Variants in CDH12 observed in about 807,000 individuals in gnomAD.
CDH12 encodes cadherin 12.
CDH12 carries 41 observed loss-of-function variants against 74.1 expected under a neutral mutation model. The observed-to-expected ratio is 0.55, with a 90% CI of 0.43 to 0.72. CDH12 has a LOEUF of 0.72. Ranked by LOEUF, CDH12 falls within the 30% of genes least tolerant of loss-of-function variation. The pLI, the probability that CDH12 is intolerant of heterozygous loss-of-function variation, is 0.00. For synonymous variants in CDH12, 399 were observed against 355.0 expected, an observed-to-expected ratio of 1.12 and a Z score of -1.39; for missense variants, 945 against 977.2, an observed-to-expected ratio of 0.97 and a Z score of 0.44.
At chr5:22,094,426 G>C (rs1166455426) in intron 4 of CDH12, among the ~76,000 whole-genome samples, 1 of 152,140 alleles carries the variant, frequency 6.6e-6, no homozygotes, top group Non-Finnish European at 1.5e-5. Context: ...GAATTCCAGA[G>C]GGACTAAATC....
At chr5:22,722,861 T>C (rs1325985807) in intron 1 of CDH12, among the ~76,000 whole-genome samples, 3 of 152,228 alleles carry the variant, frequency 2.0e-5, no homozygotes, top group Non-Finnish European at 4.4e-5. Flanking sequence ...CATATGTGTT[T>C]ATGCACCTTG....
rs78817846 is a variant in CDH12 at position 21,852,428 on chromosome 5, C to A, written c.646+2243G>T. On this transcript the variant is annotated intron_variant, in intron 7 of 14. Coordinates refer to ENST00000382254, the MANE Select transcript of CDH12 (RefSeq NM_004061.5). Reference sequence around the variant, plus strand: ...TGGTAAAACAAACTTTTTAAACATACTAGAATAGGTTGAAAGTTGATATTG... The same window carrying A: ...TGGTAAAACAAACTTTTTAAACATAATAGAATAGGTTGAAAGTTGATATTG... Among the ~76,000 whole-genome samples the A allele has an allele frequency of 8.2e-3, 1,245 of 151,376 alleles. 11 individuals carry two copies. The highest frequency in any genetic ancestry group is 0.029 in the African/African-American group (1,186 of 41,406).
At chr5:22,176,050 G>A (rs887119491) in intron 4 of CDH12, among the ~76,000 whole-genome samples, 1 of 152,096 alleles carries the variant, frequency 6.6e-6, no homozygotes, top group African/African-American at 2.4e-5. Flanking sequence ...GCTTTAACAC[G>A]TCTCTATGGA....
chr5:22,495,024 A>G (rs530128448), intron 2 of CDH12, among the ~76,000 whole-genome samples: 8 of 152,324 alleles, frequency 5.3e-5, no homozygotes, highest in African/African-American at 1.7e-4. Flanking sequence ...TACCATTTGC[A>G]AAACAACAAC....
chr5:22,363,156 T>C lies in CDH12; in HGVS notation c.-333+42101A>G, dbSNP rs184057888. On this transcript the variant is annotated intron_variant, in intron 3 of 14. Coordinates refer to ENST00000382254, the MANE Select transcript of CDH12 (RefSeq NM_004061.5). ...AGACATATATTTTCAAATAAAAAAT[T>C]TGGAGATTGTAAAAAGAAAAATTGG... Among the ~76,000 whole-genome samples the C allele has an allele frequency of 1.7e-3, 262 of 152,098 alleles. 1 individual carries two copies. In the East Asian group the frequency reaches 0.018, roughly 10 times the overall value.
intron 3 of CDH12, among the ~76,000 whole-genome samples, chr5:22,282,270 G>A (rs757993660): frequency 1.3e-5 from 2 of 151,898 alleles, no homozygotes; most frequent in African/African-American, 4.8e-5. Context: ...TTAAACATAC[G>A]ACCTAAAAAT....
intron 1 of CDH12, among the ~76,000 whole-genome samples, chr5:22,596,885 C>G (rs1736631419): frequency 6.6e-6 from 1 of 152,142 alleles, no homozygotes; most frequent in Non-Finnish European, 1.5e-5. Flanking sequence ...CAAGAGTTAT[C>G]TGCTTATTGC....
chr5:22,773,687 TATC>T (rs1188347166), intron 1 of CDH12, among the ~76,000 whole-genome samples: 1 of 151,968 alleles, frequency 6.6e-6, no homozygotes, highest in African/African-American at 2.4e-5. Context: ...TAAAAGAAAT[TATC>T]AACAGAATAA....
chr5:22,351,699 T>C (rs1740362074), intron 3 of CDH12, among the ~76,000 whole-genome samples: 2 of 152,210 alleles, frequency 1.3e-5, no homozygotes, highest in Admixed American at 6.5e-5. Context: ...GCAATGGCTT[T>C]TTAAGATATG....
intron 1 of CDH12, among the ~76,000 whole-genome samples, chr5:22,549,099 C>T (rs1738452681): frequency 6.6e-6 from 1 of 151,784 alleles, no homozygotes; most frequent in Admixed American, 6.6e-5. Context: ...ATCACCATCC[C>T]TGGCCTAGTT....
intron 4 of CDH12, among the ~76,000 whole-genome samples, chr5:22,085,362 T>A (rs1004078572): frequency 6.6e-6 from 1 of 152,154 alleles, no homozygotes; most frequent in African/African-American, 2.4e-5. Flanking sequence ...AGGGCAAATA[T>A]ATTCAATATA....
intron 3 of CDH12, among the ~76,000 whole-genome samples, chr5:22,334,244 G>A (rs868670118): frequency 5.9e-5 from 9 of 151,850 alleles, no homozygotes; most frequent in African/African-American, 1.5e-4. Flanking sequence ...GTAATCACAC[G>A]TATGAAAGCC....
chr5:22,729,200 G>C (rs1298430478), intron 1 of CDH12, among the ~76,000 whole-genome samples: 2 of 151,792 alleles, frequency 1.3e-5, no homozygotes, highest in Non-Finnish European at 2.9e-5. Flanking sequence ...GTCTCATAAA[G>C]ACAAAATTAA....
At chr5:22,080,361 G>A (rs1032397647) in intron 4 of CDH12, among the ~76,000 whole-genome samples, 3 of 152,098 alleles carry the variant, frequency 2.0e-5, no homozygotes, top group Non-Finnish European at 4.4e-5. Context: ...GATATGAGAT[G>A]AGGAGTGTCC....
chr5:22,553,979 T>G (rs1024481621), intron 1 of CDH12, among the ~76,000 whole-genome samples: 22 of 152,182 alleles, frequency 1.4e-4, no homozygotes, highest in African/African-American at 5.3e-4. Context: ...AATACATCCT[T>G]AAGAAAACCC....
At chr5:22,148,121 C>T (rs4642331) in intron 4 of CDH12, among the ~76,000 whole-genome samples, 53,020 of 151,988 alleles carry the variant, frequency 0.35, 9,908 homozygotes, top group Middle Eastern at 0.46. Context: ...CGACCACCTA[C>T]AAATCTATTA....
At chr5:22,165,872 A>G (rs1011954291) in intron 4 of CDH12, among the ~76,000 whole-genome samples, 12 of 152,210 alleles carry the variant, frequency 7.9e-5, no homozygotes, top group Admixed American at 2.0e-4. Flanking sequence ...TGCCATGGCA[A>G]GATCAGGAAG....
chr5:22,707,585 T>C (rs1470371389), intron 1 of CDH12, among the ~76,000 whole-genome samples: 1 of 152,042 alleles, frequency 6.6e-6, no homozygotes, highest in Non-Finnish European at 1.5e-5. Context: ...AAGCATCACA[T>C]TGAGAGGGTC....
intron 1 of CDH12, among the ~76,000 whole-genome samples, chr5:22,704,645 A>G (rs891503042): frequency 6.6e-6 from 1 of 152,152 alleles, no homozygotes. Context: ...AGAACTACCT[A>G]AACTGACGGG....
Sources: gnomAD v4.1 joint callset for allele counts (sites outside exome capture counted in the v4.1 genomes callset) on GRCh38, gnomAD v4.1.1 for gene constraint, MANE v1.5 for transcripts, NCBI Gene and HGNC (gene_info 2026-07-23, HGNC 2026-07-21) for gene names.